ARHGAP24: variants seen among roughly 807,000 people sequenced by gnomAD.
ARHGAP24 encodes the protein Rho GTPase activating protein 24.
Under a neutral mutation model 76.4 loss-of-function variants are expected in ARHGAP24, and 50 were observed. The ratio of observed to expected loss-of-function variants is 0.65; its 90% CI spans 0.52 to 0.83. The LOEUF (loss-of-function observed/expected upper bound fraction) is 0.83. Ranked by LOEUF, ARHGAP24 falls within the 40% of genes least tolerant of loss-of-function variation. The probability of loss-of-function intolerance (pLI) is 0.00; values close to 1 mark genes in which losing one functional copy is unlikely to be tolerated. For missense variants in ARHGAP24, 930 were observed against 914.2 expected (o/e 1.02, Z -0.22); for synonymous variants, 345 against 323.3 (o/e 1.07, Z -0.72).
chr4:85,897,491 A>G (rs560974004), intron 3 of ARHGAP24, among the ~76,000 whole-genome samples: 1 of 152,300 alleles, frequency 6.6e-6, no homozygotes, highest in African/African-American at 2.4e-5. Context: ...ATTACTACTA[A>G]TTTCTAAAAA....
At chr4:85,904,023 T>C (rs1734637030) in intron 3 of ARHGAP24, among the ~76,000 whole-genome samples, 1 of 152,230 alleles carries the variant, frequency 6.6e-6, no homozygotes, top group African/African-American at 2.4e-5. Context: ...ATTTCACATG[T>C]ATTTCATTCT....
chr4:85,837,273 C>G (rs1437585312), intron 3 of ARHGAP24, among the ~76,000 whole-genome samples: 1 of 152,124 alleles, frequency 6.6e-6, no homozygotes, highest in Non-Finnish European at 1.5e-5. Flanking sequence ...TTTGAGTCAG[C>G]CTAGCTAACT....
chr4:85,600,210 G>C (rs1419922036), intron 2 of ARHGAP24, among the ~76,000 whole-genome samples: 1 of 152,164 alleles, frequency 6.6e-6, no homozygotes, highest in Admixed American at 6.5e-5. Flanking sequence ...AGGTCAGTTT[G>C]GCTGAAGCAG....
In ARHGAP24 at chr4:85,930,543, G is replaced by A. The variant is rs1054098109; in HGVS notation, c.391+6773G>A. 6.8e-6 allele frequency: 7 copies of A among 1,022,146 alleles called. No individual in the cohort carries two copies. The African/African-American group carries it at 1.0e-4, about 15-fold the overall frequency. The allele number at this position is 1,022,146 out of a possible 1,614,324, so 63.3% of individuals were successfully genotyped here. A position where few individuals can be genotyped will look rare whatever the true frequency, so the allele number is the denominator to read the frequency against. ...TGCTGACCTTTCCAGAGGAATCTCA[G>A]TCCAGCTGAGAAGACAGTTCTTAAT... On this transcript the variant is annotated intron_variant, in intron 4 of 9. Transcript: ENST00000395184.
chr4:85,506,718 C>T (rs1158640753), intron 1 of ARHGAP24, among the ~76,000 whole-genome samples: 10 of 152,192 alleles, frequency 6.6e-5, no homozygotes, highest in African/African-American at 1.9e-4. Context: ...GGCAATGCCC[C>T]GCCCTGCTTC....
At chr4:85,836,355 A>G (rs928964307) in intron 3 of ARHGAP24, among the ~76,000 whole-genome samples, 3 of 152,254 alleles carry the variant, frequency 2.0e-5, no homozygotes, top group Non-Finnish European at 4.4e-5. Context: ...TCTGGAAGCC[A>G]TAAATGTAAA....
At chr4:85,941,672 A>C (rs1319809192) in intron 4 of ARHGAP24, among the ~76,000 whole-genome samples, 3 of 152,208 alleles carry the variant, frequency 2.0e-5, no homozygotes, top group Non-Finnish European at 2.9e-5. Context: ...AACTGTAATA[A>C]AGGTAGAATT....
chr4:85,587,414 C>CA (rs1358261761), intron 2 of ARHGAP24, among the ~76,000 whole-genome samples: 1 of 152,126 alleles, frequency 6.6e-6, no homozygotes, highest in Non-Finnish European at 1.5e-5. Flanking sequence ...TGTGTGTGAT[C>CA]ATCCTTTTAA....
At chr4:85,710,080 A>C in intron 2 of ARHGAP24, among the ~76,000 whole-genome samples, 1 of 152,222 alleles carries the variant, frequency 6.6e-6, no homozygotes, top group Non-Finnish European at 1.5e-5. Flanking sequence ...AGCAAAAAGA[A>C]CAAAGCTGGA....
At chr4:85,598,460 A>G (rs1719913565) in intron 2 of ARHGAP24, among the ~76,000 whole-genome samples, 1 of 152,088 alleles carries the variant, frequency 6.6e-6, no homozygotes, top group Non-Finnish European at 1.5e-5. Context: ...CCAAATCACA[A>G]TAATGATGTG....
At chr4:85,838,537 G>T (rs1240906733) in intron 3 of ARHGAP24, among the ~76,000 whole-genome samples, 2 of 152,134 alleles carry the variant, frequency 1.3e-5, no homozygotes, top group Admixed American at 6.5e-5. Flanking sequence ...AGGCGGAGCT[G>T]GCAGTGAGCC....
At chr4:85,486,281 T>G (rs1221842234) in intron 1 of ARHGAP24, among the ~76,000 whole-genome samples, 3 of 147,732 alleles carry the variant, frequency 2.0e-5, no homozygotes, top group African/African-American at 7.5e-5. Context: ...TATGAGGGTG[T>G]TTTTTTTTTA....
At position 85,612,792 on chromosome 4, in the gene ARHGAP24, C is replaced by CTTTTTTTTTTTTTTTT. The variant is rs70948739; in HGVS notation, c.180+42078_180+42093dup. Among the ~76,000 whole-genome samples the CTTTTTTTTTTTTTTTT allele has an allele frequency of 1.1e-4, 9 of 82,774 alleles. 1 individual carries two copies. The highest frequency in any genetic ancestry group is 1.4e-4 in the African/African-American group (3 of 21,090). The allele number at this position is 82,774 out of a possible 152,430, so 54.3% of individuals were successfully genotyped here. A position where few individuals can be genotyped will look rare whatever the true frequency, so the allele number is the denominator to read the frequency against. On this transcript the variant is annotated intron_variant, in intron 2 of 9. Transcript: ENST00000395184. ...AGCTAAAGCCCTATCCTTTCCATTCCTTTTTTTTTTTTTTTTTTTTTTGTG... is the reference window on the plus strand; with the variant it reads ...AGCTAAAGCCCTATCCTTTCCATTCCTTTTTTTTTTTTTTTTTTTTTTTTTTTTTTTTTTTTTTGTG...
chr4:85,788,094 G>T (rs1473340305), intron 3 of ARHGAP24, among the ~76,000 whole-genome samples: 1 of 152,094 alleles, frequency 6.6e-6, no homozygotes, highest in African/African-American at 2.4e-5. Context: ...AGGGTCTGTG[G>T]ACTTAAGCCT....
intron 1 of ARHGAP24, among the ~76,000 whole-genome samples, chr4:85,552,980 C>T (rs2128098): frequency 0.86 from 130,694 of 152,006 alleles, 59,032 homozygotes; most frequent in Non-Finnish European, 0.98. Context: ...ACCCTTGCAG[C>T]GAGTGTTACA....
intron 2 of ARHGAP24, among the ~76,000 whole-genome samples, chr4:85,612,083 T>TACATTACACAC (rs1553917782): frequency 2.8e-5 from 4 of 143,770 alleles, no homozygotes; most frequent in Non-Finnish European, 6.0e-5. Flanking sequence ...TTCATTACAT[T>TACATTACACAC]ACACACACAC....
intron 8 of ARHGAP24, among the ~76,000 whole-genome samples, chr4:85,987,653 A>C (rs533497782): frequency 6.6e-6 from 1 of 152,074 alleles, no homozygotes; most frequent in African/African-American, 2.4e-5. Flanking sequence ...AAGGATGAAA[A>C]TTATCACTTA....
intron 2 of ARHGAP24, among the ~76,000 whole-genome samples, chr4:85,657,117 G>A (rs2109988014): frequency 6.6e-6 from 1 of 152,136 alleles, no homozygotes; most frequent in African/African-American, 2.4e-5. Context: ...TATTCTCATT[G>A]TTTTCAGACA....
At chr4:85,516,446 A>G (rs1323392781) in intron 1 of ARHGAP24, among the ~76,000 whole-genome samples, 3 of 152,166 alleles carry the variant, frequency 2.0e-5, no homozygotes, top group African/African-American at 7.2e-5. Flanking sequence ...TGGTTTTAGT[A>G]TATGTTGTTT....
Sources: allele counts gnomAD v4.1 joint callset (sites outside exome capture counted in the v4.1 genomes callset), GRCh38; gene constraint gnomAD v4.1.1; transcripts MANE v1.5; gene names NCBI Gene and HGNC (gene_info 2026-07-23, HGNC 2026-07-21).